PTGER4: variants seen among roughly 807,000 people sequenced by gnomAD.
PTGER4 encodes the protein prostaglandin E2 receptor EP4 subtype.
A neutral mutation model predicts 33.2 loss-of-function variants in PTGER4; 11 were observed. That is an observed-to-expected ratio of 0.33 (90% CI 0.21 to 0.55). PTGER4 has a LOEUF of 0.55. Among genes scored for constraint, PTGER4 ranks in the 20% least tolerant of loss-of-function variants. The pLI, the probability that PTGER4 is intolerant of heterozygous loss-of-function variation, is 0.92. For synonymous variants in PTGER4, 275 were observed against 281.5 expected (o/e 0.98, Z 0.23); for missense variants, 481 against 650.2 (o/e 0.74, Z 2.83).
In PTGER4 at chr5:40,680,688, G is replaced by C. The variant is rs1001736234; in HGVS notation, c.-44+210G>C. Among the ~76,000 whole-genome samples, 1 of 152,230 alleles carries C rather than the reference G, an allele frequency of 6.6e-6. No individual in the cohort carries two copies. Among genetic ancestry groups the C allele is most frequent in the African/African-American group, 2.4e-5 (1 of 41,450 alleles). On this transcript the variant is annotated intron_variant, in intron 1 of 2. Transcript: ENST00000302472. This position sits in a 1 kb window ranked among gnomAD's most constrained non-coding sequence, Gnocchi z 5.5. ...GATGGGTCTTATTCATCTTGGCAAT[G>C]GAGTGAGTTGGATTGTGGGGAGGAA...
chr5:40,743,729 G>A, the PTGER4 span, among the ~76,000 whole-genome samples: 69 of 152,194 alleles, frequency 4.5e-4, no homozygotes, highest in Middle Eastern at 3.4e-3. Context: ...AGCCAAGATC[G>A]CGCCACTGCA....
chr5:40,707,824 A>G, the PTGER4 span, among the ~76,000 whole-genome samples: 1 of 152,212 alleles, frequency 6.6e-6, no homozygotes, highest in Non-Finnish European at 1.5e-5. Context: ...AAATTACAAC[A>G]AACTGTCTCT....
In PTGER4 at chr5:40,681,830, G is replaced by C. The variant is rs933396055; in HGVS notation, c.837G>C (p.Leu279=). 5.7e-6 allele frequency: 9 copies of C among 1,570,836 alleles called. No homozygotes were observed. Among genetic ancestry groups the C allele is most frequent in the Non-Finnish European group, 6.9e-6 (8 of 1,162,586 alleles). Residue 279 remains leucine, a synonymous_variant, in exon 2 of 3, where the codon CTG becomes CTC. Transcript: ENST00000302472. This position sits in a 1 kb window ranked among gnomAD's most constrained non-coding sequence, Gnocchi z 9.8. ...QMVILLIATS[L]VVLICSIPLV... ...TCATCTTACTCATTGCCACCTCCCT[G>C]GTGGTGCTCATCTGCTCCATCCCGC...
At chr5:40,697,096 G>GAAAAGAAAGAAAGGAAAGAA (rs1390405697), downstream of PTGER4, among the ~76,000 whole-genome samples, 2 of 42,410 alleles carry the variant, frequency 4.7e-5, no homozygotes, top group Non-Finnish European at 9.2e-5. Flanking sequence ...GAAAGAAAGA[G>GAAAAGAAAGAAAGGAAAGAA]AAAAGAAAGA....
At chr5:40,695,241 C>G (rs1386468105), downstream of PTGER4, among the ~76,000 whole-genome samples, 2 of 152,018 alleles carry the variant, frequency 1.3e-5, no homozygotes, top group African/African-American at 4.8e-5. Context: ...GAAACTCTGT[C>G]TCTATTAAAA....
chr5:40,714,866 G>C, the PTGER4 span: 1 of 152,072 alleles, frequency 6.6e-6, no homozygotes, highest in African/African-American at 2.4e-5. Context: ...CTCTAACAAA[G>C]ATAAAATTAA....
the PTGER4 span, among the ~76,000 whole-genome samples, chr5:40,701,131 C>T: frequency 6.6e-6 from 1 of 152,206 alleles, no homozygotes; most frequent in South Asian, 2.1e-4. Flanking sequence ...GTCAGAGTGT[C>T]CTCCAAACGA....
chr5:40,745,837 C>A, the PTGER4 span, among the ~76,000 whole-genome samples: 5 of 151,978 alleles, frequency 3.3e-5, no homozygotes, highest in African/African-American at 1.2e-4. Context: ...TGGGCTCAAG[C>A]GATCCTCCCA....
Position 40,680,061 on chromosome 5 carries a change from G to A in PTGER4, c.-461G>A, listed in dbSNP as rs1411534631. The A allele has an allele frequency of 6.5e-6, 1 of 152,806 alleles. No homozygotes were observed. The highest frequency in any genetic ancestry group is 2.4e-5 in the African/African-American group (1 of 41,460). 9.5% of individuals were successfully genotyped at this position (152,806 alleles called of 1,614,324 possible). On this transcript the variant is annotated 5_prime_UTR_variant, in exon 1 of 3. Transcript: ENST00000302472. The surrounding 1 kb of genome is among the most constrained non-coding windows in gnomAD (Gnocchi z 5.5). ...GCCTCAGCGGCAGCCGCAAACTCCA[G>A]TAGCCGCCCGTGCTGCCCGTGGCTG... is the stretch of plus-strand genomic sequence containing the variant.
At chr5:40,703,648 T>TAATC in the PTGER4 span, among the ~76,000 whole-genome samples, 1 of 152,036 alleles carries the variant, frequency 6.6e-6, no homozygotes. Flanking sequence ...CTCACGCCTG[T>TAATC]AATCCCAGCA....
At position 40,692,214 on chromosome 5, in the gene PTGER4, C is replaced by A. The variant is rs765298065; in HGVS notation, c.1303C>A (p.Arg435=). 1.2e-6 allele frequency: 2 copies of A among 1,614,200 alleles called. No individual in the cohort carries two copies. Among genetic ancestry groups the A allele is most frequent in the Admixed American group, 1.7e-5 (1 of 60,024 alleles). Residue 435 remains arginine (R), a synonymous_variant, in exon 3 of 3, where the codon CGA becomes AGA. Coordinates refer to ENST00000302472, the MANE Select transcript of PTGER4 (RefSeq NM_000958.3). ...QEDTTSLRTL[R]ISETSDSSQG... is the part of the protein sequence containing the mutation. ...AGACACCACCTCACTGAGGACTTTG[C>A]GAATATCAGAGACCTCAGACTCTTC...
chr5:40,697,477 C>T (rs758566286), downstream of PTGER4, among the ~76,000 whole-genome samples: 1 of 149,304 alleles, frequency 6.7e-6, no homozygotes, highest in Non-Finnish European at 1.5e-5. Flanking sequence ...CCCAGCTACT[C>T]GGGAGGCTGA....
chr5:40,709,977 A>G, the PTGER4 span, among the ~76,000 whole-genome samples: 1 of 152,214 alleles, frequency 6.6e-6, no homozygotes, highest in African/African-American at 2.4e-5. Flanking sequence ...AAAACCCTAG[A>G]AGAAAACCTA....
the PTGER4 span, among the ~76,000 whole-genome samples, chr5:40,721,261 A>G: frequency 6.6e-6 from 1 of 152,152 alleles, no homozygotes; most frequent in Non-Finnish European, 1.5e-5. Context: ...AGTTGCTATC[A>G]CCCCTTCCCT....
chr5:40,738,539 C>A, the PTGER4 span, among the ~76,000 whole-genome samples: 9,296 of 63,274 alleles, frequency 0.15, 1,268 homozygotes, highest in East Asian at 0.26. Context: ...CAATAAAATA[C>A]AATAAAATAA....
chr5:40,708,254 G>T, the PTGER4 span, among the ~76,000 whole-genome samples: 3 of 152,058 alleles, frequency 2.0e-5, no homozygotes, highest in African/African-American at 7.2e-5. Flanking sequence ...CTGGCTTTTT[G>T]AAAAGATCAA....
the PTGER4 span, among the ~76,000 whole-genome samples, chr5:40,720,360 A>G: frequency 6.6e-6 from 1 of 152,210 alleles, no homozygotes; most frequent in Non-Finnish European, 1.5e-5. Context: ...GTAAAAATGT[A>G]GGTTTATTTC....
chr5:40,737,328 G>T, the PTGER4 span, among the ~76,000 whole-genome samples: 4 of 151,596 alleles, frequency 2.6e-5, no homozygotes, highest in Non-Finnish European at 4.4e-5. Flanking sequence ...GGGGACTTCT[G>T]CTACTATCCT....
chr5:40,713,732 C>T, the PTGER4 span, among the ~76,000 whole-genome samples: 1 of 152,048 alleles, frequency 6.6e-6, no homozygotes, highest in Non-Finnish European at 1.5e-5. Flanking sequence ...GTCAATATAA[C>T]TTGAACAGTA....
Sources: gnomAD v4.1 joint callset for allele counts (sites outside exome capture counted in the v4.1 genomes callset) on GRCh38, gnomAD v4.1.1 for gene constraint, Gnocchi (gnomAD v3.1) non-coding constraint, MANE v1.5 for transcripts, NCBI Gene and HGNC (gene_info 2026-07-23, HGNC 2026-07-21) for gene names.